LRIF1: variants seen among roughly 807,000 people sequenced by gnomAD.
The protein encoded by LRIF1 is ligand dependent nuclear receptor interacting factor 1.
A neutral mutation model predicts 52.7 loss-of-function variants in LRIF1; 32 were observed. The ratio of observed to expected loss-of-function variants is 0.61; its 90% confidence interval spans 0.46 to 0.82. The LOEUF is 0.82. Among genes scored for constraint, LRIF1 ranks in the 40% least tolerant of loss-of-function variants. The probability of loss-of-function intolerance (pLI) is 0.00; values close to 1 mark genes in which losing one functional copy is unlikely to be tolerated. For missense variants in LRIF1, 887 were observed against 892.0 expected (o/e 0.99, Z 0.07); for synonymous variants, 323 against 317.4 (o/e 1.02, Z -0.19).
intron 1 of LRIF1, among the ~76,000 whole-genome samples, chr1:110,960,339 C>A (rs1181463064): frequency 5.3e-5 from 8 of 152,164 alleles, no homozygotes; most frequent in Admixed American, 5.2e-4. Flanking sequence ...CTCACACACA[C>A]ACAGACACAC....
At chr1:110,899,931 T>C in the LRIF1 span, 1 of 152,610 alleles carries the variant, frequency 6.6e-6, no homozygotes, top group Non-Finnish European at 1.5e-5. Flanking sequence ...AATCACAACA[T>C]TGCTATATAT....
the LRIF1 span, among the ~76,000 whole-genome samples, chr1:110,906,971 T>C: frequency 6.6e-6 from 1 of 152,236 alleles, no homozygotes; most frequent in African/African-American, 2.4e-5. Flanking sequence ...TAGTTTATGT[T>C]GTTTCAGGGA....
At chr1:110,908,624 C>T in the LRIF1 span, among the ~76,000 whole-genome samples, 1 of 151,854 alleles carries the variant, frequency 6.6e-6, no homozygotes, top group Non-Finnish European at 1.5e-5. Context: ...CAGAATAGAC[C>T]AAGCTAAGGA....
the LRIF1 span, among the ~76,000 whole-genome samples, chr1:110,907,529 C>T: frequency 3.3e-5 from 5 of 151,984 alleles, no homozygotes; most frequent in Admixed American, 6.6e-5. Context: ...GTCAGGAGTT[C>T]AAGACCAGCC....
downstream of LRIF1, chr1:110,943,347 C>T (rs1286242981): frequency 6.6e-6 from 1 of 152,064 alleles, no homozygotes; most frequent in Non-Finnish European, 1.5e-5. Context: ...GTATTCAAGG[C>T]GCATTTCAGT....
the LRIF1 span, among the ~76,000 whole-genome samples, chr1:110,915,106 T>C: frequency 2.0e-5 from 3 of 152,188 alleles, no homozygotes; most frequent in Admixed American, 2.0e-4. Context: ...TAAGGAATTA[T>C]AGTACATAGT....
chr1:110,879,387 GA>G, the LRIF1 span, among the ~76,000 whole-genome samples: 12 of 152,290 alleles, frequency 7.9e-5, no homozygotes, highest in African/African-American at 2.9e-4. Context: ...TTCAAAACTA[GA>G]CCTGTCTGAT....
the LRIF1 span, among the ~76,000 whole-genome samples, chr1:110,920,938 G>C: frequency 1.3e-5 from 2 of 152,130 alleles, no homozygotes; most frequent in Non-Finnish European, 1.5e-5. Flanking sequence ...AATCTAGTTA[G>C]GAGAAATTCT....
rs1267591300 is a variant in LRIF1 at position 110,951,865 on chromosome 1, A to C, written c.1019T>G (p.Ile340Ser). ...TTTGGATCGCGTCCCACTAGGATCG[A>C]TGGTACTCAATGGTGGCATATTTAT... ...NTINMPPLST[I>S]DPSGTRSKNM... Residue 340 changes from isoleucine (I) to serine (S), a missense_variant, in exon 2 of 4, where the codon ATC (isoleucine) becomes AGC (serine). Physicochemically the swap from Ile to Ser is moderately radical, Grantham distance 142 (BLOSUM62 -2). Coordinates refer to ENST00000369763, the MANE Select transcript of LRIF1 (RefSeq NM_018372.4). 6.2e-7 allele frequency: 1 copy of C among 1,613,594 alleles called. No homozygotes were observed. The highest frequency in any genetic ancestry group is 8.5e-7 in the Non-Finnish European group (1 of 1,180,000).
the LRIF1 span, among the ~76,000 whole-genome samples, chr1:110,926,187 C>G: frequency 5.9e-5 from 9 of 151,950 alleles, no homozygotes; most frequent in South Asian, 8.3e-4. Flanking sequence ...TGGAAATAGC[C>G]AATATATCCT....
At chr1:110,938,859 G>T in the LRIF1 span, 1 of 152,096 alleles carries the variant, frequency 6.6e-6, no homozygotes, top group African/African-American at 2.4e-5. Context: ...AATCAGTAAA[G>T]TTCCAGGATA....
rs752314346 is a variant in LRIF1, at chr1:110,963,627, G to C, written c.62C>G (p.Ser21Trp). The C allele has an allele frequency of 5.0e-6, 8 of 1,609,220 alleles. No homozygotes were observed. The East Asian group carries it at 1.8e-4, about 36-fold the overall frequency. The change falls in exon 1 of 4, where the codon TCG (serine) becomes TGG (tryptophan). Residue 21 changes from serine (S) to tryptophan (W), a missense_variant. By Grantham distance (177) the Ser-to-Trp change is radical (BLOSUM62 -3). Coordinates refer to ENST00000369763, the MANE Select transcript of LRIF1 (RefSeq NM_018372.4). ...KPAEENSGNASRCVSGCMYQV... is the reference protein window; with the variant it reads ...KPAEENSGNAWRCVSGCMYQV... Reference sequence around the variant, plus strand: ...ATTCGAAACCGGTACTTACCAACGCGAGGCGTTGCCTGAATTTTCCTCTGC... The same window carrying C: ...ATTCGAAACCGGTACTTACCAACGCCAGGCGTTGCCTGAATTTTCCTCTGC...
the LRIF1 span, among the ~76,000 whole-genome samples, chr1:110,920,227 C>T: frequency 6.6e-6 from 1 of 152,154 alleles, no homozygotes; most frequent in Non-Finnish European, 1.5e-5. Context: ...TATGTTCATA[C>T]AGAAACCTGC....
chr1:110,891,398 A>C, the LRIF1 span: 1 of 1,610,910 alleles, frequency 6.2e-7, no homozygotes, highest in Non-Finnish European at 8.5e-7. Flanking sequence ...TTAGGGCAAG[A>C]ATATCACGGC....
At chr1:110,944,977 A>G (rs1172214231), downstream of LRIF1, 2 of 151,526 alleles carry the variant, frequency 1.3e-5, no homozygotes, top group Non-Finnish European at 2.9e-5. Context: ...GTTCACTACG[A>G]CCTTGACCCA....
chr1:110,959,745 A>C (rs1658870276), intron 1 of LRIF1, among the ~76,000 whole-genome samples: 1 of 151,382 alleles, frequency 6.6e-6, no homozygotes, highest in Non-Finnish European at 1.5e-5. Flanking sequence ...TCAAAAAAAA[A>C]AAAAAAAAAA....
the LRIF1 span, among the ~76,000 whole-genome samples, chr1:110,935,986 T>C: frequency 1.3e-5 from 2 of 152,028 alleles, no homozygotes; most frequent in South Asian, 4.1e-4. Context: ...GGAGCTCCGA[T>C]ATATCTGGCA....
the LRIF1 span, among the ~76,000 whole-genome samples, chr1:110,908,552 C>A: frequency 6.6e-6 from 1 of 152,156 alleles, no homozygotes; most frequent in East Asian, 1.9e-4. Flanking sequence ...GAGAACCAAA[C>A]TGAACTTCTG....
the LRIF1 span, chr1:110,938,547 G>A: frequency 6.6e-6 from 1 of 152,138 alleles, no homozygotes; most frequent in Non-Finnish European, 1.5e-5. Flanking sequence ...TGGGATAGAA[G>A]GAACACACTT....
Sources: gnomAD v4.1 joint callset for allele counts (sites outside exome capture counted in the v4.1 genomes callset) on GRCh38, gnomAD v4.1.1 for gene constraint, MANE v1.5 for transcripts, NCBI Gene and HGNC (gene_info 2026-07-23, HGNC 2026-07-21) for gene names.